ZMIZ1: variants seen among roughly 807,000 people sequenced by gnomAD.
ZMIZ1 encodes zinc finger MIZ domain-containing protein 1.
A neutral mutation model predicts 113.9 loss-of-function variants in ZMIZ1; 17 were observed. The ratio of observed to expected loss-of-function variants is 0.15; its 90% CI spans 0.10 to 0.22. The LOEUF (loss-of-function observed/expected upper bound fraction) is 0.22, where lower values mean the gene tolerates loss of function less well. ZMIZ1 is among the 10% of genes least tolerant of loss of function. The probability of loss-of-function intolerance (pLI) is 1.00; values close to 1 mark genes in which losing one functional copy is unlikely to be tolerated. For synonymous variants in ZMIZ1, 607 were observed against 603.1 expected (o/e 1.01, Z -0.09); for missense variants, 1,059 against 1,477.8 (o/e 0.72, Z 4.65).
Position 79,116,129 on chromosome 10 carries a change from C to T in ZMIZ1, c.-336-2786C>T, listed in dbSNP as rs114829347. Among the ~76,000 whole-genome samples the T allele has an allele frequency of 7.3e-3, 1,111 of 152,196 alleles. 17 individuals are homozygous for T. Among genetic ancestry groups the T allele is most frequent in the African/African-American group, 0.022 (925 of 41,518 alleles). On this transcript the variant is annotated intron_variant, in intron 1 of 24. Transcript: ENST00000334512. ...ACTCTGTAGCCCCTTACTGCACCCC[C>T]GGATTCAGCCCCACCCTCCATCTCT...
intron 4 of ZMIZ1, among the ~76,000 whole-genome samples, chr10:79,199,171 G>A (rs912167599): frequency 6.6e-6 from 1 of 151,930 alleles, no homozygotes; most frequent in South Asian, 2.1e-4. Flanking sequence ...ATGTTAGTTG[G>A]ATAATGCTTC....
chr10:79,232,224 T>C (rs1430278117), intron 7 of ZMIZ1, among the ~76,000 whole-genome samples: 1 of 152,146 alleles, frequency 6.6e-6, no homozygotes, highest in Non-Finnish European at 1.5e-5. Flanking sequence ...GTGCCCTGCA[T>C]GTAGTGAAAA....
At chr10:79,252,148 C>A (rs896787096) in intron 7 of ZMIZ1, among the ~76,000 whole-genome samples, 7 of 152,176 alleles carry the variant, frequency 4.6e-5, no homozygotes, top group African/African-American at 9.7e-5. Context: ...CAAGGGCACC[C>A]GTAGACAGCA....
chr10:79,313,892 C>G lies in ZMIZ1; in HGVS notation c.*1143C>G, dbSNP rs1476423973. The stretch of plus-strand genomic sequence containing the variant: ...GGAAAGGCCGGGGAGGTGCAGAAAC[C>G]AGAGCCCAGGGCAATGGTGTCTGTC... On this transcript the variant is annotated 3_prime_UTR_variant, in exon 25 of 25. Transcript: ENST00000334512. 1 of 376,012 alleles carries G rather than the reference C, an allele frequency of 2.7e-6. No homozygotes were observed. Among genetic ancestry groups the G allele is most frequent in the Non-Finnish European group, 5.3e-6 (1 of 188,258 alleles). The allele number at this position is 376,012 out of a possible 1,614,324, so 23.3% of individuals were successfully genotyped here. A position where few individuals can be genotyped will look rare whatever the true frequency, so the allele number is the denominator to read the frequency against.
At chr10:79,167,553 A>T (rs1846407119) in intron 4 of ZMIZ1, among the ~76,000 whole-genome samples, 1 of 152,308 alleles carries the variant, frequency 6.6e-6, no homozygotes. Context: ...AGGCAGGACC[A>T]TGGCTAGAAC....
chr10:79,180,261 G>A (rs1847060944), intron 4 of ZMIZ1, among the ~76,000 whole-genome samples: 1 of 152,148 alleles, frequency 6.6e-6, no homozygotes, highest in Non-Finnish European at 1.5e-5. Context: ...CCAGGGCCAT[G>A]CTAGTGGCCC....
chr10:79,147,765 C>A (rs946866315), intron 3 of ZMIZ1, among the ~76,000 whole-genome samples: 5 of 152,186 alleles, frequency 3.3e-5, no homozygotes, highest in African/African-American at 1.2e-4. Flanking sequence ...CACCGCCGAG[C>A]CTCTCATGGA....
chr10:79,242,925 G>A (rs1849930582), intron 7 of ZMIZ1, among the ~76,000 whole-genome samples: 1 of 151,788 alleles, frequency 6.6e-6, no homozygotes, highest in Non-Finnish European at 1.5e-5. Flanking sequence ...ACTCGCTCGC[G>A]CTCCCTCGCA....
chr10:79,219,047 G>A (rs1202822782), intron 7 of ZMIZ1, among the ~76,000 whole-genome samples: 1 of 152,084 alleles, frequency 6.6e-6, no homozygotes, highest in Non-Finnish European at 1.5e-5. Flanking sequence ...GGGGGGTGGG[G>A]GGACGTGGAG....
intron 2 of ZMIZ1, among the ~76,000 whole-genome samples, chr10:79,124,233 G>A (rs1003012851): frequency 6.6e-6 from 1 of 152,154 alleles, no homozygotes; most frequent in Non-Finnish European, 1.5e-5. Flanking sequence ...GCTGTTTATT[G>A]GTCTGTAAAA....
intron 7 of ZMIZ1, among the ~76,000 whole-genome samples, chr10:79,227,654 A>T (rs766072022): frequency 6.6e-6 from 1 of 152,208 alleles, no homozygotes; most frequent in Non-Finnish European, 1.5e-5. Flanking sequence ...ATTTTATTCC[A>T]GCCTGTTGGC....
Position 79,300,894 on chromosome 10 carries a change from C to T in ZMIZ1, c.1971C>T (p.Cys657=), listed in dbSNP as rs140716394. ...SHKPLHLKHV[C]QPGRNTIQIT... ...AGCCCCTGCACCTGAAGCACGTGTGCCAGCCGGGCCGCAACACCATCCAGA... is the reference window on the plus strand; with the variant it reads ...AGCCCCTGCACCTGAAGCACGTGTGTCAGCCGGGCCGCAACACCATCCAGA... The change falls in exon 17 of 25, where the codon TGC becomes TGT. Residue 657 remains cysteine (C), a synonymous_variant. Coordinates refer to ENST00000334512, the MANE Select transcript of ZMIZ1 (RefSeq NM_020338.4). 1.0e-4 allele frequency: 166 copies of T among 1,612,644 alleles called. 1 individual carries two copies. Among genetic ancestry groups the T allele is most frequent in the Non-Finnish European group, 1.2e-4 (144 of 1,179,974 alleles).
intron 7 of ZMIZ1, among the ~76,000 whole-genome samples, chr10:79,238,743 CT>C (rs1158368518): frequency 1.3e-5 from 2 of 152,178 alleles, no homozygotes; most frequent in Non-Finnish European, 2.9e-5. Flanking sequence ...CATTTAAACC[CT>C]TGGGCAAATT....
chr10:79,298,385 G>T, intron 14 of ZMIZ1, 21 bp from the exon 15 acceptor site: 1 of 1,604,634 alleles, frequency 6.2e-7, no homozygotes, highest in Non-Finnish European at 8.5e-7. Flanking sequence ...TAACTCGTGC[G>T]TGTCTTTTCT....
intron 10 of ZMIZ1, 80 bp from the exon 11 acceptor site, chr10:79,292,078 T>G: frequency 7.3e-7 from 1 of 1,378,290 alleles, no homozygotes; most frequent in Non-Finnish European, 1.0e-6. Context: ...CTCCATCATC[T>G]CCCTTCCAGC....
chr10:79,292,366 C>G lies in ZMIZ1; in HGVS notation c.957+10C>G, dbSNP rs1447456393. 1.9e-6 allele frequency: 3 copies of G among 1,596,294 alleles called. No homozygotes were observed. Among genetic ancestry groups the G allele is most frequent in the Non-Finnish European group, 2.6e-6 (3 of 1,166,408 alleles). On this transcript the variant is annotated intron_variant, in intron 11 of 24. Transcript: ENST00000334512. ...AAACCAGTATGGACCGGTAAGGGTT[C>G]CCACTAATCCTGGTCCAGCCTTGCC...
At chr10:79,158,765 A>T (rs1417373058) in intron 3 of ZMIZ1, among the ~76,000 whole-genome samples, 3 of 152,094 alleles carry the variant, frequency 2.0e-5, no homozygotes, top group Non-Finnish European at 4.4e-5. Flanking sequence ...TGATGGGGGG[A>T]ACCCCTCTTA....
In ZMIZ1 at chr10:79,099,439, CT is replaced by C. The variant is rs371118131; in HGVS notation, c.-336-19473del. Among the ~76,000 whole-genome samples, 15 of 152,314 alleles carry C rather than the reference CT, an allele frequency of 9.8e-5. No individual in the cohort carries two copies. The South Asian group carries it at 1.7e-3, about 17-fold the overall frequency. On this transcript the variant is annotated intron_variant, in intron 1 of 24. Transcript: ENST00000334512. The stretch of plus-strand genomic sequence containing the variant: ...TGGCTGGTTCTGCATCTGTGTTTGC[CT>C]TTAAAAAAGGTGGGTTGCAAGGCCC...
intron 1 of ZMIZ1, among the ~76,000 whole-genome samples, chr10:79,081,504 T>C (rs903694872): frequency 6.6e-6 from 1 of 152,132 alleles, no homozygotes; most frequent in African/African-American, 2.4e-5. Context: ...GGTCAGACAT[T>C]CCAGGAGGCT....
Sources: gnomAD v4.1 joint callset for allele counts (sites outside exome capture counted in the v4.1 genomes callset) on GRCh38, gnomAD v4.1.1 for gene constraint, MANE v1.5 for transcripts, NCBI Gene and HGNC (gene_info 2026-07-23, HGNC 2026-07-21) for gene names.